The following CSMD1 variants were observed in gnomAD, a reference collection of about 807,000 sequenced individuals.
The protein encoded by CSMD1 is CUB and Sushi multiple domains 1, also known as CUB and sushi domain-containing protein 1.
A neutral mutation model predicts 417.5 loss-of-function variants in CSMD1; 213 were observed. The ratio of observed to expected loss-of-function variants is 0.51; its 90% CI spans 0.46 to 0.57. The LOEUF (loss-of-function observed/expected upper bound fraction) is 0.57, where lower values mean the gene tolerates loss of function less well. Among genes scored for constraint, CSMD1 ranks in the 20% least tolerant of loss-of-function variants. CSMD1 has a pLI of 0.00. For missense variants in CSMD1, 6,923 were observed against 4,529.7 expected, an observed-to-expected ratio of 1.53 and a Z score of -15.17; for synonymous variants, 2,862 against 1,736.8, an observed-to-expected ratio of 1.65 and a Z score of -16.11.
chr8:4,925,703 C>A lies in CSMD1; in HGVS notation c.85+68629G>T, dbSNP rs184590976. ...CTGGGACTACAGGCGCCCGCCACCA[C>A]GCAGGGCTAATTTTTTTGTATTTTT... is the stretch of plus-strand genomic sequence containing the variant. On this transcript the variant is annotated intron_variant, in intron 1 of 69. Transcript: ENST00000635120. 2.9e-3 allele frequency among the ~76,000 whole-genome samples: 441 copies of A among 152,136 alleles called. 6 individuals carry two copies. The highest frequency in any genetic ancestry group is 9.1e-3 in the African/African-American group (378 of 41,514).
chr8:3,414,355 C>T (rs957858352), intron 12 of CSMD1, among the ~76,000 whole-genome samples: 3 of 151,344 alleles, frequency 2.0e-5, no homozygotes, highest in African/African-American at 7.3e-5. Flanking sequence ...AGTCCAGTTA[C>T]AAATACTGTC....
Position 3,781,167 on chromosome 8 carries a change from T to C in CSMD1, c.819-27125A>G, listed in dbSNP as rs556189931. Among the ~76,000 whole-genome samples the C allele has an allele frequency of 3.4e-4, 52 of 152,270 alleles. No individual in the cohort carries two copies. The South Asian group carries it at 5.0e-3, about 15-fold the overall frequency. Reference sequence around the variant, plus strand: ...CAAGGTTGTCCAAACAAGACAAAGATTGGTGATTATTTAACTCACAGTACA... The same window carrying C: ...CAAGGTTGTCCAAACAAGACAAAGACTGGTGATTATTTAACTCACAGTACA... On this transcript the variant is annotated intron_variant, in intron 5 of 69. Coordinates refer to ENST00000635120, the MANE Select transcript of CSMD1 (RefSeq NM_033225.6).
At chr8:3,314,147 C>T (rs1805573399) in intron 23 of CSMD1, among the ~76,000 whole-genome samples, 1 of 152,168 alleles carries the variant, frequency 6.6e-6, no homozygotes, top group Middle Eastern at 3.4e-3. Flanking sequence ...GGAGGGATAG[C>T]ATTAGGAGAT....
At chr8:3,471,026 G>A (rs1345267984) in intron 11 of CSMD1, among the ~76,000 whole-genome samples, 1 of 152,116 alleles carries the variant, frequency 6.6e-6, no homozygotes, top group Non-Finnish European at 1.5e-5. Context: ...TCATTTACCT[G>A]AGATAAAAGC....
At chr8:4,794,520 C>A (rs1797866300) in intron 1 of CSMD1, among the ~76,000 whole-genome samples, 1 of 152,128 alleles carries the variant, frequency 6.6e-6, no homozygotes, top group Admixed American at 6.5e-5. Context: ...GCTCTCCTCT[C>A]CATCTCTGCC....
In CSMD1 at chr8:4,078,846, G is replaced by C. The variant is rs538437545; in HGVS notation, c.416-46747C>G. Among the ~76,000 whole-genome samples the C allele has an allele frequency of 2.8e-5, 4 of 143,920 alleles. No homozygotes were observed. The East Asian group carries it at 6.1e-4, about 22-fold the overall frequency. 94.4% of individuals were successfully genotyped at this position (143,920 alleles called of 152,430 possible). On this transcript the variant is annotated intron_variant, in intron 3 of 69. Transcript: ENST00000635120. ...AGGTCAGGAGTTCAAGATTATGTTG[G>C]CCAACGTAGTGAAAACCTGTCTCTA...
chr8:3,084,524 CAAA>C (rs201491681), intron 49 of CSMD1, among the ~76,000 whole-genome samples: 2 of 97,576 alleles, frequency 2.0e-5, no homozygotes, highest in African/African-American at 3.9e-5. Flanking sequence ...AACTCCGTCT[CAAA>C]AAAAAAAAAA....
intron 1 of CSMD1, among the ~76,000 whole-genome samples, chr8:4,912,087 C>T (rs1008454217): frequency 8.0e-6 from 1 of 124,476 alleles, no homozygotes; most frequent in Non-Finnish European, 1.6e-5. Context: ...TTTCCAATTT[C>T]AGATCCTGTA....
rs531929828 is a variant in CSMD1, at chr8:3,773,185, C to A, written c.819-19143G>T. 3.3e-5 allele frequency among the ~76,000 whole-genome samples: 5 copies of A among 152,320 alleles called. No homozygotes were observed. The South Asian group carries it at 6.2e-4, about 19-fold the overall frequency. Reference sequence around the variant, plus strand: ...TTTCAACATGAACTCTAGGGGGACACTGACATTTAGACGATGGCATGTACT... The same window carrying A: ...TTTCAACATGAACTCTAGGGGGACAATGACATTTAGACGATGGCATGTACT... On this transcript the variant is annotated intron_variant, in intron 5 of 69. Transcript: ENST00000635120.
chr8:3,225,880 A>G (rs1798472001), intron 27 of CSMD1, among the ~76,000 whole-genome samples: 1 of 152,194 alleles, frequency 6.6e-6, no homozygotes, highest in Admixed American at 6.5e-5. Flanking sequence ...AGAATAGTAA[A>G]AAATGCAACT....
intron 2 of CSMD1, among the ~76,000 whole-genome samples, chr8:4,623,771 TATA>T (rs1801923744): frequency 6.6e-6 from 1 of 152,102 alleles, no homozygotes. Flanking sequence ...ATTTGGCATA[TATA>T]ATATTTCAAA....
chr8:3,211,609 G>C (rs1797611083), intron 30 of CSMD1, among the ~76,000 whole-genome samples: 2 of 152,212 alleles, frequency 1.3e-5, no homozygotes, highest in South Asian at 4.1e-4. Flanking sequence ...CCTAACACTT[G>C]TGACCTAGAG....
chr8:4,419,089 A>C (rs1797106072), intron 3 of CSMD1, among the ~76,000 whole-genome samples: 1 of 152,170 alleles, frequency 6.6e-6, no homozygotes, highest in Admixed American at 6.6e-5. Flanking sequence ...TATTCCCAGT[A>C]AGAATATATA....
chr8:3,891,200 C>T (rs946972162), intron 5 of CSMD1, among the ~76,000 whole-genome samples: 1 of 152,078 alleles, frequency 6.6e-6, no homozygotes, highest in African/African-American at 2.4e-5. Flanking sequence ...CATGTGCCAT[C>T]ATGCCTGGCT....
intron 3 of CSMD1, among the ~76,000 whole-genome samples, chr8:4,387,100 T>A (rs1270169227): frequency 6.6e-6 from 1 of 152,148 alleles, no homozygotes; most frequent in Non-Finnish European, 1.5e-5. Flanking sequence ...TTAATAGAGT[T>A]AGGATAAATG....
chr8:4,012,895 G>A (rs1164007295), intron 4 of CSMD1, among the ~76,000 whole-genome samples: 2 of 152,134 alleles, frequency 1.3e-5, no homozygotes, highest in African/African-American at 2.4e-5. Context: ...CAACCACTGT[G>A]TAGGGAAATT....
intron 1 of CSMD1, among the ~76,000 whole-genome samples, chr8:4,799,173 A>T (rs7008223): frequency 3.3e-5 from 5 of 152,046 alleles, no homozygotes; most frequent in African/African-American, 1.2e-4. Context: ...AAGTCACTAC[A>T]TGACAGGCAC....
chr8:3,486,574 A>G (rs1313639537), intron 11 of CSMD1, among the ~76,000 whole-genome samples: 1 of 152,236 alleles, frequency 6.6e-6, no homozygotes, highest in Non-Finnish European at 1.5e-5. Context: ...CTGTGATAGA[A>G]CAGCCAGAAC....
chr8:4,607,427 A>G (rs1287642690), intron 2 of CSMD1, among the ~76,000 whole-genome samples: 1 of 152,172 alleles, frequency 6.6e-6, no homozygotes, highest in Non-Finnish European at 1.5e-5. Flanking sequence ...CACGTGACTA[A>G]GCAAAAGGAA....
Sources: gnomAD v4.1 joint callset for allele counts (sites outside exome capture counted in the v4.1 genomes callset) on GRCh38, gnomAD v4.1.1 for gene constraint, MANE v1.5 for transcripts, NCBI Gene and HGNC (gene_info 2026-07-23, HGNC 2026-07-21) for gene names.